CNTN5: variants seen among roughly 807,000 people sequenced by gnomAD.
The protein encoded by CNTN5 is contactin-5.
In CNTN5, 77 loss-of-function variants were observed where a neutral mutation model predicts 129.1. The ratio of observed to expected loss-of-function variants is 0.60; its 90% CI spans 0.50 to 0.72. The LOEUF is 0.72. Among genes scored for constraint, CNTN5 ranks in the 30% least tolerant of loss-of-function variants. The pLI is 0.00. For missense variants in CNTN5, 1,478 were observed against 1,328.8 expected (o/e 1.11, Z -1.75); for synonymous variants, 509 against 465.6 (o/e 1.09, Z -1.20).
At chr11:100,309,180 T>G (rs1286010420) in intron 21 of CNTN5, 15 of 984,858 alleles carry the variant, frequency 1.5e-5, no homozygotes, top group Non-Finnish European at 1.8e-5. Flanking sequence ...AAAAAAGAAT[T>G]AGCATCTGAC....
At chr11:99,260,916 C>A (rs1344312432) in intron 1 of CNTN5, among the ~76,000 whole-genome samples, 2 of 151,886 alleles carry the variant, frequency 1.3e-5, no homozygotes, top group Non-Finnish European at 2.9e-5. Context: ...TCTTCGGAAG[C>A]AAGATGTGGG....
intron 1 of CNTN5, among the ~76,000 whole-genome samples, chr11:99,034,654 C>CT (rs1863610477): frequency 7.1e-6 from 1 of 140,192 alleles, no homozygotes; most frequent in Admixed American, 9.4e-5. Context: ...TTTGATTCTT[C>CT]TCTCTTTTTT....
intron 2 of CNTN5, among the ~76,000 whole-genome samples, chr11:99,483,470 A>G (rs1945684451): frequency 6.6e-6 from 1 of 152,222 alleles, no homozygotes; most frequent in East Asian, 1.9e-4. Flanking sequence ...GTTAAACTCC[A>G]CGATTTTGTC....
intron 2 of CNTN5, among the ~76,000 whole-genome samples, chr11:99,400,597 G>A (rs941120615): frequency 1.2e-4 from 18 of 152,094 alleles, no homozygotes; most frequent in African/African-American, 4.3e-4. Flanking sequence ...TATAGTCCCA[G>A]TGGTGGAATT....
At chr11:99,434,845 G>A (rs1943539686) in intron 2 of CNTN5, among the ~76,000 whole-genome samples, 1 of 152,126 alleles carries the variant, frequency 6.6e-6, no homozygotes, top group Admixed American at 6.6e-5. Flanking sequence ...GACAATTCAA[G>A]AGAAATTTCT....
chr11:99,857,203 C>T (rs961368363), intron 6 of CNTN5, among the ~76,000 whole-genome samples: 21 of 152,110 alleles, frequency 1.4e-4, no homozygotes, highest in African/African-American at 4.6e-4. Context: ...CCAAGCACAC[C>T]ACTGACTTTA....
At chr11:99,254,004 A>G (rs2135801130) in intron 1 of CNTN5, among the ~76,000 whole-genome samples, 1 of 151,200 alleles carries the variant, frequency 6.6e-6, no homozygotes, top group East Asian at 1.9e-4. Flanking sequence ...CAATGTTTAA[A>G]TAGCAACCTG....
At chr11:99,937,222 A>G (rs1244279175) in intron 7 of CNTN5, among the ~76,000 whole-genome samples, 1 of 152,222 alleles carries the variant, frequency 6.6e-6, no homozygotes, top group African/African-American at 2.4e-5. Flanking sequence ...TAATTAGAAT[A>G]TGCCCATGTA....
chr11:99,596,007 T>A (rs1565333153), intron 3 of CNTN5, among the ~76,000 whole-genome samples: 1 of 152,014 alleles, frequency 6.6e-6, no homozygotes, highest in African/African-American at 2.4e-5. Flanking sequence ...TTCAGCAAGA[T>A]CCCCCTGATT....
intron 2 of CNTN5, among the ~76,000 whole-genome samples, chr11:99,408,120 T>C (rs1942173777): frequency 6.6e-6 from 1 of 152,004 alleles, no homozygotes; most frequent in Non-Finnish European, 1.5e-5. Flanking sequence ...TGGGGAGCAA[T>C]ATTTGTTGGA....
intron 16 of CNTN5, among the ~76,000 whole-genome samples, chr11:100,234,677 T>G: frequency 1.3e-5 from 2 of 150,158 alleles, no homozygotes; most frequent in South Asian, 4.2e-4. Flanking sequence ...AGGGGAGGGA[T>G]AGCATTAGGA....
intron 2 of CNTN5, among the ~76,000 whole-genome samples, chr11:99,445,976 C>T (rs1211209486): frequency 6.6e-6 from 1 of 150,610 alleles, no homozygotes; most frequent in African/African-American, 2.4e-5. Flanking sequence ...CCCAGCTATT[C>T]GGGAGGCTGA....
At chr11:100,117,738 T>A (rs1043932745) in intron 13 of CNTN5, among the ~76,000 whole-genome samples, 1 of 151,780 alleles carries the variant, frequency 6.6e-6, no homozygotes, top group African/African-American at 2.4e-5. Flanking sequence ...AGGGCATTTT[T>A]TTTTTTGTAA....
intron 6 of CNTN5, among the ~76,000 whole-genome samples, chr11:99,880,848 C>A (rs1479110645): frequency 1.3e-5 from 2 of 151,996 alleles, no homozygotes; most frequent in Non-Finnish European, 2.9e-5. Flanking sequence ...TCACCTCTAC[C>A]ACTTCAACCA....
intron 2 of CNTN5, among the ~76,000 whole-genome samples, chr11:99,365,921 G>T (rs1022242958): frequency 2.0e-5 from 3 of 152,170 alleles, no homozygotes; most frequent in African/African-American, 7.2e-5. Flanking sequence ...TTCTGGTGAT[G>T]TGTTATGGAT....
chr11:99,314,229 AT>A (rs1007984976), intron 1 of CNTN5, among the ~76,000 whole-genome samples: 56 of 152,196 alleles, frequency 3.7e-4, no homozygotes, highest in African/African-American at 1.3e-3. Context: ...TAATTAATAC[AT>A]TGCTAGCCCA....
At chr11:99,703,455 A>G (rs1432330670) in intron 3 of CNTN5, among the ~76,000 whole-genome samples, 1 of 150,694 alleles carries the variant, frequency 6.6e-6, no homozygotes, top group Non-Finnish European at 1.5e-5. Context: ...AATATATAAT[A>G]AAAATACTTG....
intron 6 of CNTN5, among the ~76,000 whole-genome samples, chr11:99,873,526 C>A (rs1404657010): frequency 6.6e-6 from 1 of 152,052 alleles, no homozygotes; most frequent in Non-Finnish European, 1.5e-5. Flanking sequence ...CATCTTAACA[C>A]CAGTCAGAAT....
chr11:100,151,744 C>T (rs1399183019), intron 13 of CNTN5, among the ~76,000 whole-genome samples: 1 of 152,138 alleles, frequency 6.6e-6, no homozygotes, highest in Non-Finnish European at 1.5e-5. Flanking sequence ...CTCAAAGCTA[C>T]ATGAGTATTT....
Sources: gnomAD v4.1 joint callset for allele counts (sites outside exome capture counted in the v4.1 genomes callset) on GRCh38, gnomAD v4.1.1 for gene constraint, MANE v1.5 for transcripts, NCBI Gene and HGNC (gene_info 2026-07-23, HGNC 2026-07-21) for gene names.